MPP7: variants seen among roughly 807,000 people sequenced by gnomAD.
The protein encoded by MPP7 is MAGUK p55 scaffold protein 7.
Under a neutral mutation model 76.5 loss-of-function variants are expected in MPP7, and 60 were observed. The ratio of observed to expected loss-of-function variants is 0.78; its 90% CI spans 0.64 to 0.97. MPP7 has a LOEUF of 0.97. MPP7 is among the 50% of genes least tolerant of loss of function. The pLI, the probability that MPP7 is intolerant of heterozygous loss-of-function variation, is 0.00. For missense variants in MPP7, 641 were observed against 694.0 expected (o/e 0.92, Z 0.86); for synonymous variants, 237 against 244.5 (o/e 0.97, Z 0.29).
chr10:28,138,663 A>C (rs1489836025), intron 5 of MPP7, among the ~76,000 whole-genome samples: 1 of 152,234 alleles, frequency 6.6e-6, no homozygotes, highest in Admixed American at 6.5e-5. Flanking sequence ...ACTTGAGGGC[A>C]ACAGGTTATA....
At chr10:28,232,358 A>AACACACACACACACACAC (rs3064135) in intron 2 of MPP7, among the ~76,000 whole-genome samples, 66 of 147,458 alleles carry the variant, frequency 4.5e-4, no homozygotes, top group African/African-American at 1.6e-3. Context: ...TGTCTCTTAA[A>AACACACACACACACACAC]ACACACACAC....
At chr10:28,149,059 T>C (rs1835798214) in intron 4 of MPP7, among the ~76,000 whole-genome samples, 2 of 152,170 alleles carry the variant, frequency 1.3e-5, no homozygotes, top group Non-Finnish European at 2.9e-5. Context: ...ACTAAACAAA[T>C]AGCACGCAAC....
intron 2 of MPP7, among the ~76,000 whole-genome samples, chr10:28,320,824 T>TTTTG (rs1305396192): frequency 1.7e-4 from 22 of 128,722 alleles, no homozygotes; most frequent in African/African-American, 6.0e-4. Context: ...TAGTGCAGTT[T>TTTTG]TTTGTTTGTT....
At chr10:28,331,265 C>T (rs1834467600) in intron 1 of MPP7, among the ~76,000 whole-genome samples, 1 of 152,154 alleles carries the variant, frequency 6.6e-6, no homozygotes, top group Non-Finnish European at 1.5e-5. Flanking sequence ...CTTCAATTAA[C>T]TTCCTTCTTC....
At chr10:28,106,876 G>A (rs1170366926) in intron 11 of MPP7, among the ~76,000 whole-genome samples, 1 of 152,124 alleles carries the variant, frequency 6.6e-6, no homozygotes, top group Non-Finnish European at 1.5e-5. Context: ...GTGCTCTAAA[G>A]AAACCCATAT....
At chr10:28,312,227 T>A (rs1166177597) in intron 2 of MPP7, among the ~76,000 whole-genome samples, 1 of 152,156 alleles carries the variant, frequency 6.6e-6, no homozygotes, top group Admixed American at 6.5e-5. Context: ...TTCTGTCCTA[T>A]CAGAGTGCCC....
At chr10:28,278,834 A>G (rs2133081184) in intron 1 of MPP7, among the ~76,000 whole-genome samples, 1 of 151,894 alleles carries the variant, frequency 6.6e-6, no homozygotes, top group South Asian at 2.1e-4. Context: ...AATCTGAAAA[A>G]AAAAAAACAC....
At chr10:28,318,995 C>T (rs754297774) in intron 2 of MPP7, among the ~76,000 whole-genome samples, 8 of 152,192 alleles carry the variant, frequency 5.3e-5, no homozygotes, top group Non-Finnish European at 1.0e-4. Context: ...TTGTATTAGT[C>T]TGTTCTTACA....
chr10:28,293,845 GATA>G (rs1840978875), intron 1 of MPP7, among the ~76,000 whole-genome samples: 1 of 152,216 alleles, frequency 6.6e-6, no homozygotes, highest in African/African-American at 2.4e-5. Flanking sequence ...AAACAAATAA[GATA>G]ATGATAAGAG....
intron 2 of MPP7, among the ~76,000 whole-genome samples, chr10:28,220,004 A>G (rs1475522968): frequency 1.3e-5 from 2 of 152,172 alleles, no homozygotes; most frequent in Non-Finnish European, 2.9e-5. Context: ...CTCAACTGCA[A>G]ATAACTTATT....
chr10:28,065,515 G>A (rs76471786), intron 13 of MPP7, among the ~76,000 whole-genome samples: 6,264 of 152,202 alleles, frequency 0.041, 452 homozygotes, highest in African/African-American at 0.14. Flanking sequence ...CTTATGTGAA[G>A]GAGATTCCAA....
At chr10:28,193,099 T>C (rs1475718337) in intron 3 of MPP7, among the ~76,000 whole-genome samples, 1 of 152,092 alleles carries the variant, frequency 6.6e-6, no homozygotes, top group Non-Finnish European at 1.5e-5. Context: ...AGGTGGACAA[T>C]AGAGCTAAAT....
chr10:28,125,740 A>C (rs1260214035), intron 6 of MPP7, among the ~76,000 whole-genome samples: 1 of 152,234 alleles, frequency 6.6e-6, no homozygotes, highest in African/African-American at 2.4e-5. Flanking sequence ...CCATGGTTTT[A>C]GTGAACTAGG....
chr10:28,170,031 T>C (rs1188168976), intron 3 of MPP7, among the ~76,000 whole-genome samples: 2 of 152,176 alleles, frequency 1.3e-5, no homozygotes, highest in African/African-American at 2.4e-5. Flanking sequence ...TTTTTCCCCA[T>C]TAAGCATAAT....
At position 28,076,541 on chromosome 10, in the gene MPP7, G is replaced by A. The variant is rs912313617; in HGVS notation, c.1124-6689C>T. Among the ~76,000 whole-genome samples the A allele has an allele frequency of 4.7e-4, 70 of 150,004 alleles. 1 individual carries two copies. The East Asian group carries it at 9.2e-3, about 20-fold the overall frequency. ...TATATATGTTCCCACACACATGCGC[G>A]CACACACACACACACACAGAAGCAA... On this transcript the variant is annotated intron_variant, in intron 12 of 16. Transcript: ENST00000683449.
At chr10:28,262,553 TA>T (rs1840026221) in intron 1 of MPP7, among the ~76,000 whole-genome samples, 1 of 152,128 alleles carries the variant, frequency 6.6e-6, no homozygotes, top group Admixed American at 6.5e-5. Flanking sequence ...TACTCTAGTA[TA>T]AATGGCCTTT....
At chr10:28,117,131 C>A (rs1010964366) in intron 11 of MPP7, among the ~76,000 whole-genome samples, 7 of 152,066 alleles carry the variant, frequency 4.6e-5, no homozygotes, top group African/African-American at 1.4e-4. Flanking sequence ...TGATACACTA[C>A]AAATGAAATA....
intron 7 of MPP7, 38 bp from the exon 8 acceptor site, chr10:28,124,154 C>G (rs1460612091): frequency 2.9e-6 from 4 of 1,361,938 alleles, no homozygotes; most frequent in Non-Finnish European, 3.2e-6. Context: ...GCAGTGTTAC[C>G]CACAACCAAA....
intron 12 of MPP7, among the ~76,000 whole-genome samples, chr10:28,087,401 CTTTCT>C (rs1239874095): frequency 1.3e-5 from 2 of 151,226 alleles, no homozygotes; most frequent in South Asian, 2.1e-4. Flanking sequence ...TTTTTTCTTT[CTTTCT>C]TTTTTTAATT....
Sources: gnomAD v4.1 joint callset for allele counts (sites outside exome capture counted in the v4.1 genomes callset) on GRCh38, gnomAD v4.1.1 for gene constraint, MANE v1.5 for transcripts, NCBI Gene and HGNC (gene_info 2026-07-23, HGNC 2026-07-21) for gene names.